HSD17B4: variants seen among roughly 807,000 people sequenced by gnomAD.
HSD17B4 encodes peroxisomal multifunctional enzyme type 2.
In HSD17B4, 70 loss-of-function variants were observed where a neutral mutation model predicts 101.0. The observed-to-expected ratio is 0.69, with a 90% CI of 0.57 to 0.85. HSD17B4 has a LOEUF of 0.85. HSD17B4 is among the 40% of genes least tolerant of loss of function. HSD17B4 has a pLI of 0.00. For missense variants in HSD17B4, 984 were observed against 892.4 expected (o/e 1.10, Z -1.31); for synonymous variants, 347 against 297.1 (o/e 1.17, Z -1.73).
At position 119,468,951 on chromosome 5, in the gene HSD17B4, C is replaced by G. The variant is rs181068343; in HGVS notation, c.113-4957C>G. ...TGATTGAATTCTTGTTTTTTTTTTT[C>G]TTTTTCCTATCAGTTGGGCAATGTG... On this transcript the variant is annotated intron_variant, in intron 2 of 23. Transcript: ENST00000510025. Among the ~76,000 whole-genome samples the G allele has an allele frequency of 8.0e-3, 1,045 of 130,954 alleles. 9 individuals are homozygous for G. The highest frequency in any genetic ancestry group is 0.028 in the African/African-American group (995 of 35,402). The allele number at this position is 130,954 out of a possible 152,430, so 85.9% of individuals were successfully genotyped here. A position where few individuals can be genotyped will look rare whatever the true frequency, so the allele number is the denominator to read the frequency against.
chr5:119,536,319 T>TA, intron 22 of HSD17B4, 104 bp from the exon 23 acceptor site: 1 of 1,081,264 alleles, frequency 9.2e-7, no homozygotes, highest in Non-Finnish European at 1.4e-6. Flanking sequence ...AAGTGCCACA[T>TA]TAACATGGAA....
intron 18 of HSD17B4, 75 bp downstream of exon 18, chr5:119,525,360 C>A (rs1753489497): frequency 3.4e-6 from 3 of 871,766 alleles, no homozygotes; most frequent in Non-Finnish European, 5.9e-6. Flanking sequence ...AAAGACACTA[C>A]TACTTATGAC....
Position 119,452,554 on chromosome 5 carries a change from T to G in HSD17B4, c.-22T>G. 6.2e-7 allele frequency: 1 copy of G among 1,613,864 alleles called. No individual in the cohort carries two copies. The highest frequency in any genetic ancestry group is 8.5e-7 in the Non-Finnish European group (1 of 1,179,954). The stretch of plus-strand genomic sequence containing the variant: ...TCCAGCGGCTCTGCTTGTTCGTGTG[T>G]GTGTCGTTGCAGGCCTTATTCATGG... On this transcript the variant is annotated 5_prime_UTR_variant, in exon 1 of 24. Coordinates refer to ENST00000510025, the MANE Select transcript of HSD17B4 (RefSeq NM_000414.4).
At chr5:119,459,758 C>A (rs990240484) in intron 2 of HSD17B4, among the ~76,000 whole-genome samples, 1 of 152,046 alleles carries the variant, frequency 6.6e-6, no homozygotes, top group African/African-American at 2.4e-5. Flanking sequence ...TAGTCTCACT[C>A]CCATGATAAC....
chr5:119,456,724 G>T (rs2126612521), intron 2 of HSD17B4: 1 of 263,926 alleles, frequency 3.8e-6, no homozygotes, highest in Non-Finnish European at 7.3e-6. Context: ...TCCAATCTGG[G>T]TGATGGCGCA....
chr5:119,520,912 A>T (rs758194142), intron 17 of HSD17B4, among the ~76,000 whole-genome samples: 1 of 151,926 alleles, frequency 6.6e-6, no homozygotes, highest in Admixed American at 6.6e-5. Context: ...TTCCCCTCTT[A>T]TTGTTCCCAT....
chr5:119,492,207 TTG>T, intron 10 of HSD17B4, 83 bp downstream of exon 10: 1 of 996,792 alleles, frequency 1.0e-6, no homozygotes, highest in Non-Finnish European at 1.6e-6. Flanking sequence ...GGTAAGATTT[TTG>T]TCAAATGCCT....
In HSD17B4 at chr5:119,478,961, C is replaced by A; in HGVS notation, c.562C>A (p.His188Asn). ...AATTGAAGGCAGGAAAAGCAACATT[C>A]ATTGTAACACCATTGCTCCTAATGC... Reference protein sequence around the residue: ...LAIEGRKSNIHCNTIAPNAGS... With the variant: ...LAIEGRKSNINCNTIAPNAGS... The change falls in exon 8 of 24, where the codon CAT becomes AAT. Residue 188 changes from histidine (H) to asparagine (N), a missense_variant. By Grantham distance (68) the His-to-Asn change is moderately conservative. Transcript: ENST00000510025. 3.1e-6 allele frequency: 5 copies of A among 1,613,670 alleles called. No homozygotes were observed. Among genetic ancestry groups the A allele is most frequent in the Non-Finnish European group, 3.4e-6 (4 of 1,179,694 alleles).
chr5:119,527,873 A>G (rs1753743778), intron 20 of HSD17B4, among the ~76,000 whole-genome samples: 1 of 152,160 alleles, frequency 6.6e-6, no homozygotes, highest in African/African-American at 2.4e-5. Context: ...CCTAACAAAT[A>G]GTAAATGAGG....
intron 22 of HSD17B4, among the ~76,000 whole-genome samples, chr5:119,533,558 A>AGGAT (rs774575305): frequency 2.0e-5 from 3 of 152,090 alleles, no homozygotes; most frequent in Non-Finnish European, 4.4e-5. Context: ...TGTGTGCTTG[A>AGGAT]GGATGTTGAC....
In HSD17B4 at chr5:119,531,262, T is replaced by C; in HGVS notation, c.1855-4T>C. On this transcript the variant is annotated splice_region_variant and splice_polypyrimidine_tract_variant and intron_variant, in intron 21 of 23. Transcript: ENST00000510025. Reference sequence around the variant, plus strand: ...TTTAAAGTTTATTTTGTTGTCGTTGTTAGGGCGGGAAGCTTCAGAGTACCT... The same window carrying C: ...TTTAAAGTTTATTTTGTTGTCGTTGCTAGGGCGGGAAGCTTCAGAGTACCT... 6.2e-7 allele frequency: 1 copy of C among 1,613,428 alleles called. No individual in the cohort carries two copies. The highest frequency in any genetic ancestry group is 8.5e-7 in the Non-Finnish European group (1 of 1,179,508).
intron 2 of HSD17B4, among the ~76,000 whole-genome samples, chr5:119,463,234 A>G (rs1026236448): frequency 7.2e-5 from 11 of 152,092 alleles, no homozygotes; most frequent in African/African-American, 1.9e-4. Context: ...TGTGTGCCAC[A>G]TTTTCTTTAT....
chr5:119,485,122 C>T (rs1285589056), intron 8 of HSD17B4, among the ~76,000 whole-genome samples: 2 of 152,044 alleles, frequency 1.3e-5, no homozygotes, highest in East Asian at 1.9e-4. Context: ...TTCTTTCTAC[C>T]CCCCTGCTTC....
chr5:119,494,377 C>CTTTCTTTCTTTA (rs1750435613), intron 11 of HSD17B4, among the ~76,000 whole-genome samples: 1 of 142,748 alleles, frequency 7.0e-6, no homozygotes, highest in African/African-American at 2.7e-5. Flanking sequence ...TTCTTTCTTT[C>CTTTCTTTCTTTA]TTTCTTTCTT....
chr5:119,515,757 A>G (rs1412231205), intron 17 of HSD17B4, among the ~76,000 whole-genome samples: 4 of 152,204 alleles, frequency 2.6e-5, no homozygotes, highest in African/African-American at 4.8e-5. Flanking sequence ...CCTCTGGAGT[A>G]ACGCAGTGTG....
chr5:119,458,776 G>A (rs1754927642), intron 2 of HSD17B4, among the ~76,000 whole-genome samples: 1 of 152,110 alleles, frequency 6.6e-6, no homozygotes, highest in South Asian at 2.1e-4. Flanking sequence ...GCCTTAGGCT[G>A]ATACTGTAAA....
At chr5:119,535,631 G>T in intron 22 of HSD17B4, 1 of 148,228 alleles carries the variant, frequency 6.7e-6, no homozygotes, top group African/African-American at 2.5e-5. Flanking sequence ...TTTTTAACCT[G>T]GGTTTTTTTC....
chr5:119,499,960 C>A (rs1447963540), intron 13 of HSD17B4, among the ~76,000 whole-genome samples: 3 of 152,136 alleles, frequency 2.0e-5, no homozygotes, highest in African/African-American at 7.2e-5. Flanking sequence ...ACATACTTGA[C>A]TTGTTTTTGG....
intron 14 of HSD17B4, among the ~76,000 whole-genome samples, chr5:119,502,760 A>G (rs1342147357): frequency 2.6e-5 from 4 of 152,130 alleles, no homozygotes; most frequent in African/African-American, 9.7e-5. Context: ...CTAGAATCCT[A>G]CTTGAATATT....
Sources: allele counts gnomAD v4.1 joint callset (sites outside exome capture counted in the v4.1 genomes callset), GRCh38; gene constraint gnomAD v4.1.1; transcripts MANE v1.5; gene names NCBI Gene and HGNC (gene_info 2026-07-23, HGNC 2026-07-21).